The following NWD2 variants were observed in gnomAD, a reference collection of about 807,000 sequenced individuals.
NWD2 encodes the protein NACHT and WD repeat domain containing 2, also known as NACHT and WD repeat domain-containing protein 2.
NWD2 carries 37 observed loss-of-function variants against 132.7 expected under a neutral mutation model. That is an observed-to-expected ratio of 0.28 (90% CI 0.21 to 0.37). NWD2 has a LOEUF of 0.37. NWD2 is among the 10% of genes least tolerant of loss of function. The pLI is 1.00. For synonymous variants in NWD2, 705 were observed against 803.0 expected (o/e 0.88, Z 2.06); for missense variants, 1,592 against 2,122.4 (o/e 0.75, Z 4.91).
intron 3 of NWD2, among the ~76,000 whole-genome samples, chr4:37,399,605 C>A (rs1720863647): frequency 6.6e-6 from 1 of 152,176 alleles, no homozygotes; most frequent in East Asian, 1.9e-4. Flanking sequence ...AGACCTCTTT[C>A]TCCAATTCTG....
At position 37,444,572 on chromosome 4, in the gene NWD2, T is replaced by TA; in HGVS notation, c.2585dup (p.Tyr862Ter). 1 of 1,551,920 alleles carries TA rather than the reference T, an allele frequency of 6.4e-7. No homozygotes were observed. Among genetic ancestry groups the TA allele is most frequent in the Non-Finnish European group, 8.7e-7 (1 of 1,147,038 alleles). Residue 862 changes from tyrosine (Y) to a stop codon, truncating the protein, a stop_gained and frameshift_variant, in exon 7 of 7, where the codon TAT (tyrosine) becomes TAAT (stop). Transcript: ENST00000309447. LOFTEE classifies it high-confidence loss of function. The surrounding 1 kb of genome is among the most constrained non-coding windows in gnomAD (Gnocchi z 4.8). ...CATCATCATGAACTTCAGCTGGCTT[T>TA]ATACCATGATCAAAATTGGCCAGTT... ...YGIIMNFSWL[Y>*]TMIKIGQFDK...
chr4:37,362,415 A>C (rs4832897), intron 3 of NWD2, among the ~76,000 whole-genome samples: 43,510 of 152,128 alleles, frequency 0.29, 7,502 homozygotes, highest in Middle Eastern at 0.45. Context: ...CCCAACTTCA[A>C]ACTATGCTAT....
chr4:37,327,379 A>G (rs1002906324), intron 2 of NWD2, among the ~76,000 whole-genome samples: 1 of 152,168 alleles, frequency 6.6e-6, no homozygotes, highest in Admixed American at 6.5e-5. Context: ...GATACAGGCA[A>G]AGGAAAACTG....
Position 37,444,947 on chromosome 4 carries a change from G to A in NWD2, c.2959G>A (p.Glu987Lys). ...CNPSTVLTAL[E>K]NGSISTWDVE... The stretch of plus-strand genomic sequence containing the variant: ...CCCCAGCACTGTCCTCACAGCTTTA[G>A]AAAATGGTTCCATCAGCACCTGGGA... The change falls in exon 7 of 7, where the codon GAA (glutamate) becomes AAA (lysine). Residue 987 changes from glutamate (E) to lysine (K), a missense_variant. Physicochemically the swap from Glu to Lys is moderately conservative, Grantham distance 56. Around this residue, in one of 7 missense-constraint regions of NWD2, gnomAD observed 1,071 missense variants for 1,398.0 expected, o/e 0.77. Transcript: ENST00000309447. The surrounding 1 kb of genome is among the most constrained non-coding windows in gnomAD (Gnocchi z 4.8). 1 of 1,552,226 alleles carries A rather than the reference G, an allele frequency of 6.4e-7. No individual in the cohort carries two copies. The highest frequency in any genetic ancestry group is 1.7e-4 in the Middle Eastern group (1 of 5,996).
At chr4:37,310,406 CCT>C (rs1365719478) in intron 1 of NWD2, among the ~76,000 whole-genome samples, 2 of 152,092 alleles carry the variant, frequency 1.3e-5, no homozygotes. Context: ...CTAACTTACC[CCT>C]CTTTCCCTAA....
intron 3 of NWD2, among the ~76,000 whole-genome samples, chr4:37,361,378 A>G (rs762639050): frequency 1.3e-5 from 2 of 152,122 alleles, no homozygotes; most frequent in Admixed American, 6.6e-5. Flanking sequence ...CAAAAACACA[A>G]TGAAAAAAGA....
At chr4:37,379,599 C>T (rs778428246) in intron 3 of NWD2, among the ~76,000 whole-genome samples, 5 of 152,038 alleles carry the variant, frequency 3.3e-5, no homozygotes, top group Admixed American at 2.6e-4. Context: ...CACTGAGACA[C>T]GGAATTGTGG....
intron 3 of NWD2, among the ~76,000 whole-genome samples, chr4:37,428,448 C>A (rs899127920): frequency 6.6e-5 from 10 of 152,148 alleles, no homozygotes; most frequent in Non-Finnish European, 1.3e-4. Context: ...CTTATTTCTG[C>A]TAGATAAGAT....
chr4:37,412,734 T>C (rs1721187060), intron 3 of NWD2, among the ~76,000 whole-genome samples: 1 of 152,148 alleles, frequency 6.6e-6, no homozygotes, highest in African/African-American at 2.4e-5. Flanking sequence ...CAAAATATAC[T>C]ACAAGGCTAC....
intron 1 of NWD2, among the ~76,000 whole-genome samples, chr4:37,296,422 G>A (rs958321863): frequency 2.6e-5 from 4 of 152,178 alleles, no homozygotes; most frequent in African/African-American, 9.6e-5. Flanking sequence ...TCACAATTGT[G>A]AAGATGTGGA....
At chr4:37,420,789 G>A (rs930247928) in intron 3 of NWD2, among the ~76,000 whole-genome samples, 1 of 152,160 alleles carries the variant, frequency 6.6e-6, no homozygotes, top group Non-Finnish European at 1.5e-5. Flanking sequence ...GGGCAGGGGC[G>A]GTTCCTGGGA....
At chr4:37,379,568 T>C (rs1720412416) in intron 3 of NWD2, among the ~76,000 whole-genome samples, 1 of 152,208 alleles carries the variant, frequency 6.6e-6, no homozygotes, top group South Asian at 2.1e-4. Context: ...GATTTTATAA[T>C]GCTTTTTGTT....
intron 1 of NWD2, among the ~76,000 whole-genome samples, chr4:37,288,143 C>T (rs1946695): frequency 0.42 from 64,436 of 151,890 alleles, 15,031 homozygotes; most frequent in African/African-American, 0.63. Context: ...GGAAACAACA[C>T]ACACCAGGGC....
intron 3 of NWD2, among the ~76,000 whole-genome samples, chr4:37,417,467 G>T (rs188886786): frequency 1.3e-5 from 2 of 152,254 alleles, no homozygotes; most frequent in African/African-American, 2.4e-5. Context: ...GACTAATGGG[G>T]TATATAACAA....
chr4:37,423,488 G>A lies in NWD2; in HGVS notation c.358-7084G>A, dbSNP rs747272202. Among the ~76,000 whole-genome samples, 8 of 152,220 alleles carry A rather than the reference G, an allele frequency of 5.3e-5. No homozygotes were observed. In the East Asian group the frequency reaches 5.8e-4, roughly 11 times the overall value. ...CTAGAGAAGCTGGTGGTATAAATTCGAGTCCAAGTGCAAAGGCCAAAGAAA... is the reference window on the plus strand; with the variant it reads ...CTAGAGAAGCTGGTGGTATAAATTCAAGTCCAAGTGCAAAGGCCAAAGAAA... On this transcript the variant is annotated intron_variant, in intron 3 of 6. Coordinates refer to ENST00000309447, the MANE Select transcript of NWD2 (RefSeq NM_001144990.2).
chr4:37,356,207 T>G (rs1441045052), intron 2 of NWD2, among the ~76,000 whole-genome samples, 159 bp from the exon 3 acceptor site: 1 of 152,220 alleles, frequency 6.6e-6, no homozygotes, highest in Admixed American at 6.5e-5. Flanking sequence ...CAACCCATCA[T>G]GGAATGAAAA....
intron 1 of NWD2, among the ~76,000 whole-genome samples, chr4:37,300,946 C>T (rs1718600978): frequency 6.6e-6 from 1 of 152,080 alleles, no homozygotes; most frequent in Non-Finnish European, 1.5e-5. Context: ...TATGTATTTA[C>T]CAGTTTGTTT....
At chr4:37,333,482 CA>C (rs1415536839) in intron 2 of NWD2, among the ~76,000 whole-genome samples, 4 of 152,126 alleles carry the variant, frequency 2.6e-5, no homozygotes, top group African/African-American at 9.7e-5. Context: ...CCAAGACCAC[CA>C]AGGCAGAAGA....
Position 37,443,301 on chromosome 4 carries a change from A to G in NWD2, c.1313A>G (p.His438Arg), listed in dbSNP as rs539623310. The G allele has an allele frequency of 1.9e-6, 3 of 1,549,884 alleles. No individual in the cohort carries two copies. The highest frequency in any genetic ancestry group is 2.7e-5 in the African/African-American group (2 of 73,138). ...EVAKKAYGWL[H>R]EDTGPESDPV... ...GTGTTTCAGGCTTATGGCTGGCTAC[A>G]TGAGGACACAGGACCAGAATCTGAC... The change falls in exon 7 of 7, where the codon CAT becomes CGT. Residue 438 changes from histidine (H) to arginine (R), a missense_variant. His to Arg is a conservative substitution (Grantham distance 29). This residue lies in a region of NWD2 where 1,071 missense variants were observed against 1,398.0 expected (regional missense o/e 0.77). Transcript: ENST00000309447. The surrounding 1 kb of genome is among the most constrained non-coding windows in gnomAD (Gnocchi z 4.1).
Sources: gnomAD v4.1 joint callset for allele counts (sites outside exome capture counted in the v4.1 genomes callset) on GRCh38, gnomAD v4.1.1 for gene constraint, gnomAD v4.1.1 regional missense constraint, Gnocchi (gnomAD v3.1) non-coding constraint, MANE v1.5 for transcripts, NCBI Gene and HGNC (gene_info 2026-07-23, HGNC 2026-07-21) for gene names.